SNX10: variants seen among roughly 807,000 people sequenced by gnomAD.
SNX10 encodes sorting nexin 10, also known as sorting nexin-10.
Under a neutral mutation model 28.5 loss-of-function variants are expected in SNX10, and 25 were observed. That is an observed-to-expected ratio of 0.88 (90% CI 0.64 to 1.22). The LOEUF is 1.22. SNX10 is among the 50% of genes most tolerant of loss of function. SNX10 has a pLI of 0.00. For synonymous variants in SNX10, 62 were observed against 81.4 expected (o/e 0.76, Z 1.28); for missense variants, 223 against 242.6 (o/e 0.92, Z 0.54).
rs1297206670 is a variant in SNX10 at position 26,353,463 on chromosome 7, T to TGGG, written c.24+6999_24+7001dup. On this transcript the variant is annotated intron_variant, in intron 2 of 6. Coordinates refer to ENST00000338523, the MANE Select transcript of SNX10 (RefSeq NM_013322.3). ...TTTTTTTTTTTTTTTTTTTTTTTGG[T>TGGG]GGGGAGACAGAGTCTTGGTCTGTCG... 4.4e-4 allele frequency among the ~76,000 whole-genome samples: 47 copies of TGGG among 106,402 alleles called. 7 individuals are homozygous for TGGG. Among genetic ancestry groups the TGGG allele is most frequent in the Non-Finnish European group, 7.9e-4 (42 of 53,308 alleles). 69.8% of individuals were successfully genotyped at this position (106,402 alleles called of 152,430 possible). A position where few individuals can be genotyped will look rare whatever the true frequency, so the allele number is the denominator to read the frequency against.
chr7:26,291,940 A>AGCGCGGGGC lies in SNX10; in HGVS notation c.-162_-161insCGCGCGGGG. The AGCGCGGGGC allele has an allele frequency of 6.9e-6, 1 of 145,718 alleles. No homozygotes were observed. Among genetic ancestry groups the AGCGCGGGGC allele is most frequent in the Non-Finnish European group, 1.5e-5 (1 of 64,870 alleles). The allele number at this position is 145,718 out of a possible 1,614,324, so 9.0% of individuals were successfully genotyped here. ...CGCTACGTGCGCGGGGAGCGCGGGG[A>AGCGCGGGGC]GCGCGGGGAGCGCGGGGCTGCGCTC... On this transcript the variant is annotated 5_prime_UTR_variant, in exon 1 of 7. Transcript: ENST00000338523.
intron 1 of SNX10, among the ~76,000 whole-genome samples, chr7:26,298,241 A>G (rs1786187760): frequency 1.3e-5 from 2 of 152,252 alleles, no homozygotes; most frequent in South Asian, 4.1e-4. Flanking sequence ...GCAGATGACA[A>G]AGGAGTAAAG....
At position 26,317,659 on chromosome 7, in the gene SNX10, CTTTT is replaced by C. The variant is rs11310428; in HGVS notation, c.-24+25591_-24+25594del. Among the ~76,000 whole-genome samples, 322 of 106,224 alleles carry C rather than the reference CTTTT, an allele frequency of 3.0e-3. 2 individuals carry two copies. Among genetic ancestry groups the C allele is most frequent in the South Asian group, 0.018 (51 of 2,808 alleles). The allele number at this position is 106,224 out of a possible 152,430, so 69.7% of individuals were successfully genotyped here. On this transcript the variant is annotated intron_variant, in intron 1 of 6. Coordinates refer to ENST00000338523, the MANE Select transcript of SNX10 (RefSeq NM_013322.3). ...ATATTTAATGGTGATCTTCTTTGAT[CTTTT>C]TTTTTTTTTTTTTTTTTGAGACAGA...
rs547552624 is a variant in SNX10, at chr7:26,295,926, G to A, written c.-24+3840G>A. ...CACAGGCAGCCATTCAGACCTCTTG[G>A]TAGAATTGTCGTATTGGAAAGTTTT... On this transcript the variant is annotated intron_variant, in intron 1 of 6. Coordinates refer to ENST00000338523, the MANE Select transcript of SNX10 (RefSeq NM_013322.3). Among the ~76,000 whole-genome samples the A allele has an allele frequency of 2.7e-3, 406 of 152,328 alleles. 1 individual carries two copies. The highest frequency in any genetic ancestry group is 8.9e-3 in the African/African-American group (370 of 41,566).
Position 26,333,603 on chromosome 7 carries a change from C to T in SNX10, c.-23-12817C>T, listed in dbSNP as rs185389213. ...CCTCCCAAAGTGCTGGGATTACAGG[C>T]GTGAGCCACCGCACCCGACTATTTT... On this transcript the variant is annotated intron_variant, in intron 1 of 6. Coordinates refer to ENST00000338523, the MANE Select transcript of SNX10 (RefSeq NM_013322.3). Among the ~76,000 whole-genome samples the T allele has an allele frequency of 5.2e-3, 793 of 151,632 alleles. 5 individuals carry two copies. The highest frequency in any genetic ancestry group is 0.018 in the African/African-American group (757 of 41,280).
At chr7:26,334,681 G>C (rs1787857001) in intron 1 of SNX10, among the ~76,000 whole-genome samples, 1 of 152,036 alleles carries the variant, frequency 6.6e-6, no homozygotes, top group Non-Finnish European at 1.5e-5. Flanking sequence ...TTTGATTTAT[G>C]TCCTATGAAC....
intron 2 of SNX10, among the ~76,000 whole-genome samples, chr7:26,348,000 G>A (rs1197700144): frequency 3.9e-5 from 6 of 152,188 alleles, no homozygotes; most frequent in Non-Finnish European, 2.9e-5. Flanking sequence ...GATTGGTCTC[G>A]AACTTCTGGC....
intron 1 of SNX10, among the ~76,000 whole-genome samples, chr7:26,292,456 A>G (rs769770685): frequency 2.0e-5 from 3 of 152,214 alleles, no homozygotes; most frequent in South Asian, 4.1e-4. Flanking sequence ...GGTTTTTAAA[A>G]TTTATTTATT....
At chr7:26,332,106 G>A (rs996503448) in intron 1 of SNX10, among the ~76,000 whole-genome samples, 1 of 152,178 alleles carries the variant, frequency 6.6e-6, no homozygotes, top group Non-Finnish European at 1.5e-5. Flanking sequence ...ATACCCCGGA[G>A]TTGAATTGCC....
At chr7:26,342,841 C>T (rs1179612131) in intron 1 of SNX10, among the ~76,000 whole-genome samples, 1 of 152,040 alleles carries the variant, frequency 6.6e-6, no homozygotes, top group Non-Finnish European at 1.5e-5. Flanking sequence ...CAGGGTCTCA[C>T]TGTAACCCAG....
chr7:26,353,460 T>TTGTG (rs1788689204), intron 2 of SNX10, among the ~76,000 whole-genome samples: 1 of 83,444 alleles, frequency 1.2e-5, no homozygotes, highest in Non-Finnish European at 2.4e-5. Flanking sequence ...TTTTTTTTTT[T>TTGTG]GGTGGGGAGA....
At chr7:26,317,632 G>A (rs1787140636) in intron 1 of SNX10, among the ~76,000 whole-genome samples, 1 of 147,502 alleles carries the variant, frequency 6.8e-6, no homozygotes, top group African/African-American at 2.5e-5. Context: ...AATGAATATT[G>A]AATATTTAAT....
Position 26,364,752 on chromosome 7 carries a change from A to G in SNX10, c.212+117A>G, listed in dbSNP as rs1789223096. Reference sequence around the variant, plus strand: ...TTTATAGGCTTTTGCCTTGATTACAATATGTAGCTTTAGTTTCTTAGCTAC... The same window carrying G: ...TTTATAGGCTTTTGCCTTGATTACAGTATGTAGCTTTAGTTTCTTAGCTAC... On this transcript the variant is annotated intron_variant, in intron 4 of 6. Coordinates refer to ENST00000338523, the MANE Select transcript of SNX10 (RefSeq NM_013322.3). The surrounding 1 kb of genome is among the most constrained non-coding windows in gnomAD (Gnocchi z 4.9). The G allele has an allele frequency of 1.4e-6, 1 of 729,346 alleles. No homozygotes were observed. Among genetic ancestry groups the G allele is most frequent in the Non-Finnish European group, 2.2e-6 (1 of 454,780 alleles). The allele number at this position is 729,346 out of a possible 1,614,324, so 45.2% of individuals were successfully genotyped here. A position where few individuals can be genotyped will look rare whatever the true frequency, so the allele number is the denominator to read the frequency against.
chr7:26,306,840 T>C (rs1035140974), intron 1 of SNX10, among the ~76,000 whole-genome samples: 2 of 152,258 alleles, frequency 1.3e-5, no homozygotes, highest in Non-Finnish European at 2.9e-5. Flanking sequence ...CAGGCCTCCA[T>C]GCTTGCTCAT....
chr7:26,317,971 T>C (rs977448943), intron 1 of SNX10, among the ~76,000 whole-genome samples: 15 of 152,054 alleles, frequency 9.9e-5, no homozygotes, highest in Admixed American at 8.5e-4. Context: ...TTCATGGTGA[T>C]CTTCTAATAG....
intron 1 of SNX10, among the ~76,000 whole-genome samples, chr7:26,323,249 C>T (rs1417373725): frequency 6.6e-6 from 1 of 151,652 alleles, no homozygotes; most frequent in Non-Finnish European, 1.5e-5. Context: ...GATCCTGTCT[C>T]AAAACCAAAC....
intron 1 of SNX10, among the ~76,000 whole-genome samples, chr7:26,343,000 G>A (rs910611284): frequency 1.3e-5 from 2 of 152,036 alleles, no homozygotes; most frequent in South Asian, 4.1e-4. Context: ...TGTAGAGATG[G>A]GGTTTCGCCA....
At chr7:26,305,377 A>G (rs1210649858) in intron 1 of SNX10, among the ~76,000 whole-genome samples, 1 of 152,156 alleles carries the variant, frequency 6.6e-6, no homozygotes, top group African/African-American at 2.4e-5. Context: ...CACACACAAA[A>G]GAGTTTTCTA....
chr7:26,325,306 A>AATATATGTATATATATATATAT (rs1787458937), intron 1 of SNX10, among the ~76,000 whole-genome samples: 1 of 51,334 alleles, frequency 1.9e-5, no homozygotes, highest in Non-Finnish European at 5.6e-5. Context: ...AAGTTTGCAA[A>AATATATGTATATATATATATAT]ATATATATAT....
Sources: gnomAD v4.1 joint callset for allele counts (sites outside exome capture counted in the v4.1 genomes callset) on GRCh38, gnomAD v4.1.1 for gene constraint, Gnocchi (gnomAD v3.1) non-coding constraint, MANE v1.5 for transcripts, NCBI Gene and HGNC (gene_info 2026-07-23, HGNC 2026-07-21) for gene names.